TRPA1: variants seen among roughly 807,000 people sequenced by gnomAD.
TRPA1 encodes transient receptor potential cation channel subfamily A member 1, also known as ankyrin-like with transmembrane domains 1.
A neutral mutation model predicts 131.3 loss-of-function variants in TRPA1; 129 were observed. The ratio of observed to expected loss-of-function variants is 0.98; its 90% CI spans 0.85 to 1.14. TRPA1 has a LOEUF of 1.14. TRPA1 is among the 50% of genes most tolerant of loss of function. TRPA1 has a pLI of 0.00. For synonymous variants in TRPA1, 441 were observed against 451.7 expected, an observed-to-expected ratio of 0.98 and a Z score of 0.30; for missense variants, 1,304 against 1,354.2, an observed-to-expected ratio of 0.96 and a Z score of 0.58.
chr8:72,033,893 G>T, intron 22 of TRPA1, 67 bp from the exon 23 acceptor site: 1 of 1,453,388 alleles, frequency 6.9e-7, no homozygotes, highest in Non-Finnish European at 9.6e-7. Flanking sequence ...TTTCCTGGAG[G>T]TAGAATGATA....
intron 21 of TRPA1, among the ~76,000 whole-genome samples, chr8:72,036,029 AAGAAGAAG>A (rs1283622174): frequency 1.5e-5 from 2 of 134,000 alleles, no homozygotes; most frequent in African/African-American, 5.9e-5. Context: ...AAAAAAAAAA[AAGAAGAAG>A]AAGAAGAAGA....
the TRPA1 span, among the ~76,000 whole-genome samples, chr8:72,089,940 A>T: frequency 6.6e-6 from 1 of 152,190 alleles, no homozygotes; most frequent in East Asian, 1.9e-4. Flanking sequence ...AAGAAAAGGT[A>T]TGCTTACCTT....
Position 72,061,509 on chromosome 8 carries a change from T to G in TRPA1, c.944+116A>C, listed in dbSNP as rs1411069891. ...CACAGGGTCTTTGTTATCTTTGCCC[T>G]TTTCCTTTGAACCACAAAATCTTTG... On this transcript the variant is annotated intron_variant, in intron 7 of 26. Transcript: ENST00000262209. The G allele has an allele frequency of 4.7e-6, 6 of 1,269,330 alleles. No homozygotes were observed. In the African/African-American group the frequency reaches 8.8e-5, roughly 19 times the overall value. The allele number at this position is 1,269,330 out of a possible 1,614,324, so 78.6% of individuals were successfully genotyped here.
At chr8:72,065,197 G>C (rs768950501) in intron 4 of TRPA1, among the ~76,000 whole-genome samples, 4 of 152,054 alleles carry the variant, frequency 2.6e-5, no homozygotes, top group Non-Finnish European at 5.9e-5. Flanking sequence ...TTTCCTGCCT[G>C]TATTTTCTTT....
chr8:72,075,329 G>C lies in TRPA1; in HGVS notation c.81C>G (p.Asp27Glu). 6.2e-7 allele frequency: 1 copy of C among 1,613,368 alleles called. No individual in the cohort carries two copies. The highest frequency in any genetic ancestry group is 1.3e-5 in the African/African-American group (1 of 75,028). Residue 27 changes from aspartate (D) to glutamate (E), a missense_variant, in exon 1 of 27, where the codon GAC becomes GAG. Transcript: ENST00000262209. ...GCGATTCCTTGAAATCCTCCGTGTC[G>C]TCCGGCACATCCTCATAGACAACGC... ...PQGVVYEDVP[D>E]DTEDFKESLK...
In TRPA1 at chr8:72,029,776, A is replaced by G. The variant is rs562763741; in HGVS notation, c.2937+125T>C. 387 of 934,408 alleles carry G rather than the reference A, an allele frequency of 4.1e-4. No homozygotes were observed. In the African/African-American group the frequency reaches 5.5e-3, roughly 13 times the overall value. 57.9% of individuals were successfully genotyped at this position (934,408 alleles called of 1,614,324 possible). A position where few individuals can be genotyped will look rare whatever the true frequency, so the allele number is the denominator to read the frequency against. On this transcript the variant is annotated intron_variant, in intron 24 of 26. Coordinates refer to ENST00000262209, the MANE Select transcript of TRPA1 (RefSeq NM_007332.3). ...GTAAATGGCACATACTTTACAGTGT[A>G]AGTAGTATAAATTTATAACTGGCAT...
At chr8:72,086,701 ATT>A in the TRPA1 span, among the ~76,000 whole-genome samples, 3 of 152,166 alleles carry the variant, frequency 2.0e-5, no homozygotes, top group East Asian at 5.8e-4. Context: ...CCTTCTTGGT[ATT>A]CTGAAATATC....
rs747666568 is a variant in TRPA1, at chr8:72,055,820, G to T, written c.1230C>A (p.Asp410Glu). Residue 410 changes from aspartate (D) to glutamate (E), a missense_variant, in exon 11 of 27, where the codon GAC (aspartate) becomes GAA (glutamate). Transcript: ENST00000262209. ...AATGTAGAGGAGTACACCCATCGTTGTCTTCATCCATTACCAGCTCTTTGA... is the reference window on the plus strand; with the variant it reads ...AATGTAGAGGAGTACACCCATCGTTTTCTTCATCCATTACCAGCTCTTTGA... ...QQIKELVMDE[D>E]NDGCTPLHYA... 3 of 1,613,410 alleles carry T rather than the reference G, an allele frequency of 1.9e-6. No homozygotes were observed. The Admixed American group carries it at 5.0e-5, about 27-fold the overall frequency.
chr8:72,023,482 A>G (rs1444342458), intron 26 of TRPA1: 1 of 425,226 alleles, frequency 2.4e-6, no homozygotes, highest in Non-Finnish European at 4.3e-6. Context: ...CCCACCACAT[A>G]GTTACTCCAG....
chr8:72,063,407 G>T, intron 5 of TRPA1, 56 bp downstream of exon 5: 1 of 1,257,548 alleles, frequency 8.0e-7, no homozygotes, highest in Non-Finnish European at 1.2e-6. Context: ...CAAATTAATA[G>T]CATCCACCAA....
intron 15 of TRPA1, 73 bp downstream of exon 15, chr8:72,050,705 T>C (rs1295743334): frequency 3.0e-6 from 3 of 992,108 alleles, no homozygotes; most frequent in East Asian, 4.8e-5. Context: ...TGGAAATTAT[T>C]ATTATTAGGT....
At chr8:72,077,370 C>T (rs1387641412), upstream of TRPA1, among the ~76,000 whole-genome samples, 1 of 152,098 alleles carries the variant, frequency 6.6e-6, no homozygotes, top group Non-Finnish European at 1.5e-5. Flanking sequence ...AGGGTGGCTC[C>T]AGGCCAACAG....
Position 72,050,911 on chromosome 8 carries a change from T to A in TRPA1, c.1812-40A>T, listed in dbSNP as rs765419555. The A allele has an allele frequency of 2.9e-6, 4 of 1,363,822 alleles. No homozygotes were observed. The African/African-American group carries it at 4.3e-5, about 15-fold the overall frequency. 84.5% of individuals were successfully genotyped at this position (1,363,822 alleles called of 1,614,324 possible). On this transcript the variant is annotated intron_variant, in intron 14 of 26. Transcript: ENST00000262209. ...TAAGTAAGATAAGCACAGGTCTTCA[T>A]CCTTCTGTTCTGTACAACAGCTGAA...
chr8:72,027,772 A>C (rs1385907637), intron 24 of TRPA1, among the ~76,000 whole-genome samples: 1 of 152,192 alleles, frequency 6.6e-6, no homozygotes, highest in Admixed American at 6.5e-5. Flanking sequence ...GAGTTGCTTA[A>C]GAAACAACTC....
upstream of TRPA1, among the ~76,000 whole-genome samples, chr8:72,077,417 C>G (rs974768448): frequency 2.2e-4 from 34 of 152,172 alleles, no homozygotes; most frequent in African/African-American, 8.0e-4. Context: ...AGTCTGCATT[C>G]TTGCTTCTCT....
intron 6 of TRPA1, 66 bp downstream of exon 6, chr8:72,062,733 A>G (rs984722976): frequency 1.2e-5 from 18 of 1,488,316 alleles, no homozygotes; most frequent in Admixed American, 1.7e-5. Context: ...TAAAAGAGCT[A>G]TAAAGCATTT....
At position 72,043,756 on chromosome 8, in the gene TRPA1, T is replaced by C. The variant is rs1434365830; in HGVS notation, c.2061+2757A>G. Among the ~76,000 whole-genome samples the C allele has an allele frequency of 3.3e-5, 5 of 151,902 alleles. No homozygotes were observed. The South Asian group carries it at 8.3e-4, about 25-fold the overall frequency. The stretch of plus-strand genomic sequence containing the variant: ...CCAAAATTATTCACCAAACAACTTA[T>C]AGGTTTTTGCACTAAACACCCACTT... On this transcript the variant is annotated intron_variant, in intron 17 of 26. Coordinates refer to ENST00000262209, the MANE Select transcript of TRPA1 (RefSeq NM_007332.3).
chr8:72,025,337 G>A (rs1293918090), intron 25 of TRPA1, among the ~76,000 whole-genome samples: 2 of 151,930 alleles, frequency 1.3e-5, no homozygotes, highest in Non-Finnish European at 2.9e-5. Flanking sequence ...TCATGCGTTC[G>A]TTCTCCTTCC....
At chr8:72,078,408 C>T (rs13262959), upstream of TRPA1, among the ~76,000 whole-genome samples, 14,658 of 152,098 alleles carry the variant, frequency 0.096, 1,081 homozygotes, top group African/African-American at 0.2. Context: ...CCCTCCCCAA[C>T]CCAGACCCCT....
Sources: gnomAD v4.1 joint callset for allele counts (sites outside exome capture counted in the v4.1 genomes callset) on GRCh38, gnomAD v4.1.1 for gene constraint, MANE v1.5 for transcripts, NCBI Gene and HGNC (gene_info 2026-07-23, HGNC 2026-07-21) for gene names.